The following TATDN1 variants were observed in gnomAD, a reference collection of about 807,000 sequenced individuals.
The protein encoded by TATDN1 is TatD DNase domain containing 1.
In TATDN1, 40 loss-of-function variants were observed where a neutral mutation model predicts 46.4. The observed-to-expected ratio is 0.86, with a 90% CI of 0.67 to 1.12. The LOEUF (loss-of-function observed/expected upper bound fraction) is 1.12. Ranked by LOEUF, TATDN1 falls within the 50% of genes most tolerant of loss-of-function variation. The pLI is 0.00. For synonymous variants in TATDN1, 95 were observed against 105.6 expected (o/e 0.90, Z 0.62); for missense variants, 326 against 348.4 (o/e 0.94, Z 0.51).
chr8:124,502,647 C>T (rs139999521), intron 9 of TATDN1, among the ~76,000 whole-genome samples: 1 of 151,996 alleles, frequency 6.6e-6, no homozygotes, highest in East Asian at 1.9e-4. Flanking sequence ...CAAATTGAAA[C>T]ACATGGAAGG....
intron 6 of TATDN1, among the ~76,000 whole-genome samples, chr8:124,509,579 C>T (rs1818828405): frequency 6.6e-6 from 1 of 152,146 alleles, no homozygotes. Context: ...ATGTGCTTAC[C>T]TCTTCTAAGC....
intron 1 of TATDN1, among the ~76,000 whole-genome samples, chr8:124,532,759 G>A (rs1821078517): frequency 6.6e-6 from 1 of 152,214 alleles, no homozygotes. Flanking sequence ...TGCTCGTTGG[G>A]CAGATCGGGC....
intron 9 of TATDN1, 174 bp downstream of exon 9, chr8:124,504,097 A>G: frequency 4.2e-6 from 3 of 720,118 alleles, no homozygotes; most frequent in South Asian, 2.3e-5. Context: ...TTAACTTTTA[A>G]TAGTAATGTA....
At chr8:124,528,187 T>A (rs898825160) in intron 1 of TATDN1, among the ~76,000 whole-genome samples, 9 of 152,146 alleles carry the variant, frequency 5.9e-5, no homozygotes, top group Non-Finnish European at 1.3e-4. Flanking sequence ...GTGTCTTTTT[T>A]TTTTGAGATG....
At chr8:124,527,281 T>C (rs1820582497) in intron 1 of TATDN1, among the ~76,000 whole-genome samples, 1 of 152,196 alleles carries the variant, frequency 6.6e-6, no homozygotes, top group African/African-American at 2.4e-5. Context: ...GACTTAACAT[T>C]AAAATGCAGT....
chr8:124,498,126 G>T (rs945876933), intron 9 of TATDN1, among the ~76,000 whole-genome samples: 1 of 151,812 alleles, frequency 6.6e-6, no homozygotes. Flanking sequence ...CACCTCATTC[G>T]TCTGGTGGTC....
At chr8:124,535,297 A>T (rs541585428) in intron 1 of TATDN1, among the ~76,000 whole-genome samples, 1 of 152,380 alleles carries the variant, frequency 6.6e-6, no homozygotes, top group East Asian at 1.9e-4. Flanking sequence ...ATTACATCAC[A>T]GTACACAAAA....
intron 3 of TATDN1, among the ~76,000 whole-genome samples, chr8:124,520,738 C>G (rs886343592): frequency 2.6e-5 from 4 of 151,636 alleles, no homozygotes; most frequent in South Asian, 2.1e-4. Context: ...GTCAGGAGAT[C>G]GAGACCATCC....
At chr8:124,499,871 A>G (rs570160382) in intron 9 of TATDN1, among the ~76,000 whole-genome samples, 2 of 141,724 alleles carry the variant, frequency 1.4e-5, no homozygotes, top group Admixed American at 1.4e-4. Context: ...TTTGAGACAC[A>G]GTCTGGTCTG....
At chr8:124,534,145 CAAAAAAAAAAAAAAAAAAAAAAA>C (rs869060230) in intron 1 of TATDN1, among the ~76,000 whole-genome samples, 1 of 51,250 alleles carries the variant, frequency 2.0e-5, no homozygotes, top group South Asian at 1.0e-3. Flanking sequence ...GACTCCGTCT[CAAAAAAAAAAAAAAAAAAAAAAA>C]AAAAAAAAAA....
chr8:124,534,145 C>CAAAAAAAAAAAAAAAAAAAAAAAAA (rs869060230), intron 1 of TATDN1, among the ~76,000 whole-genome samples: 2 of 51,250 alleles, frequency 3.9e-5, no homozygotes, highest in African/African-American at 1.0e-4. Flanking sequence ...GACTCCGTCT[C>CAAAAAAAAAAAAAAAAAAAAAAAAA]AAAAAAAAAA....
At chr8:124,509,955 C>T (rs974139124) in intron 6 of TATDN1, among the ~76,000 whole-genome samples, 3 of 150,892 alleles carry the variant, frequency 2.0e-5, no homozygotes, top group African/African-American at 7.3e-5. Flanking sequence ...TCTCTTGAAC[C>T]CAGGGTCAGA....
chr8:124,502,628 G>T (rs1056018291), intron 9 of TATDN1, among the ~76,000 whole-genome samples: 2 of 152,138 alleles, frequency 1.3e-5, no homozygotes, highest in Non-Finnish European at 2.9e-5. Context: ...CTAAAAATAG[G>T]AACTAGTCCA....
chr8:124,516,020 G>GA lies in TATDN1; in HGVS notation c.212dup (p.Ser72GlnfsTer12). The stretch of plus-strand genomic sequence containing the variant: ...TTGTAGGATGACATCCAACTGTACT[G>GA]AAAAACATACCTAACAGAAAATAAT... On this transcript the variant is annotated frameshift_variant, in exon 5 of 12. Transcript: ENST00000276692. LOFTEE classifies it high-confidence loss of function. 2.5e-6 allele frequency: 4 copies of GA among 1,603,946 alleles called. No homozygotes were observed. The highest frequency in any genetic ancestry group is 1.3e-5 in the African/African-American group (1 of 74,584).
chr8:124,488,807 T>A, intron 11 of TATDN1, 111 bp from the exon 12 acceptor site: 1 of 692,322 alleles, frequency 1.4e-6, no homozygotes. Flanking sequence ...TTTAATATAA[T>A]AAAGCTTAAC....
chr8:124,495,858 G>A (rs976728308), intron 9 of TATDN1, among the ~76,000 whole-genome samples: 1 of 152,178 alleles, frequency 6.6e-6, no homozygotes, highest in Non-Finnish European at 1.5e-5. Context: ...GTAACTTAGA[G>A]GTGCTTCTAA....
chr8:124,520,942 CAAAA>C (rs1162309758), intron 3 of TATDN1, among the ~76,000 whole-genome samples: 5 of 82,244 alleles, frequency 6.1e-5, no homozygotes, highest in East Asian at 3.3e-4. Context: ...GACTCCGTCT[CAAAA>C]AAAAAAAAAA....
intron 1 of TATDN1, among the ~76,000 whole-genome samples, chr8:124,524,792 A>C (rs907382416): frequency 6.6e-6 from 1 of 152,154 alleles, no homozygotes; most frequent in Non-Finnish European, 1.5e-5. Context: ...CAGATGAAAA[A>C]TTACTAAGAG....
At chr8:124,519,931 T>C (rs16899653) in intron 3 of TATDN1, among the ~76,000 whole-genome samples, 13,402 of 152,250 alleles carry the variant, frequency 0.088, 875 homozygotes, top group South Asian at 0.28. Flanking sequence ...GATTCAAGTA[T>C]AATGATGTAT....
Sources: allele counts gnomAD v4.1 joint callset (sites outside exome capture counted in the v4.1 genomes callset), GRCh38; gene constraint gnomAD v4.1.1; transcripts MANE v1.5; gene names NCBI Gene and HGNC (gene_info 2026-07-23, HGNC 2026-07-21).